QRSL1: variants seen among roughly 807,000 people sequenced by gnomAD.
QRSL1 encodes the protein glutaminyl-tRNA amidotransferase subunit QRSL1, also known as glutamyl-tRNA(Gln) amidotransferase subunit A, mitochondrial.
In QRSL1, 54 loss-of-function variants were observed where a neutral mutation model predicts 61.6. The observed-to-expected ratio is 0.88, with a 90% CI of 0.70 to 1.10. The LOEUF (loss-of-function observed/expected upper bound fraction) is 1.10, where lower values mean the gene tolerates loss of function less well. Among genes scored for constraint, QRSL1 ranks in the 50% least tolerant of loss-of-function variants. QRSL1 has a pLI of 0.00. For synonymous variants in QRSL1, 228 were observed against 225.7 expected, an observed-to-expected ratio of 1.01 and a Z score of -0.09; for missense variants, 505 against 622.6, an observed-to-expected ratio of 0.81 and a Z score of 2.01.
At chr6:106,631,217 C>T (rs574995993) in intron 1 of QRSL1, among the ~76,000 whole-genome samples, 153 of 152,306 alleles carry the variant, frequency 1.0e-3, no homozygotes, top group African/African-American at 3.5e-3. Flanking sequence ...CAGAGCAAGA[C>T]TCCGTCTCAA....
intron 3 of QRSL1, among the ~76,000 whole-genome samples, chr6:106,641,403 T>G (rs1777017712): frequency 6.6e-6 from 1 of 152,234 alleles, no homozygotes; most frequent in Non-Finnish European, 1.5e-5. Flanking sequence ...AATACCCTTC[T>G]GTGGATGACG....
chr6:106,636,082 G>A (rs531132577), intron 1 of QRSL1, among the ~76,000 whole-genome samples: 4 of 152,240 alleles, frequency 2.6e-5, no homozygotes, highest in African/African-American at 7.2e-5. Flanking sequence ...CAAAGGGTGT[G>A]TTCAAAGGAG....
At chr6:106,634,396 A>G (rs902995618) in intron 1 of QRSL1, among the ~76,000 whole-genome samples, 3 of 152,230 alleles carry the variant, frequency 2.0e-5, no homozygotes, top group Non-Finnish European at 4.4e-5. Context: ...ATCTGTGGAC[A>G]TGATCTGAGT....
rs1228437855 is a variant in QRSL1 at position 106,631,174 on chromosome 6, C to A, written c.24+1469C>A. ...CCGGGAGGCGGAGCTTGCAGTGAGCCAAGATCACGCCACTGCACTCCAGCC... is the reference window on the plus strand; with the variant it reads ...CCGGGAGGCGGAGCTTGCAGTGAGCAAAGATCACGCCACTGCACTCCAGCC... On this transcript the variant is annotated intron_variant, in intron 1 of 10. Transcript: ENST00000369046. Among the ~76,000 whole-genome samples, 27 of 152,188 alleles carry A rather than the reference C, an allele frequency of 1.8e-4. No individual in the cohort carries two copies. In the South Asian group the frequency reaches 4.6e-3, roughly 26 times the overall value.
chr6:106,662,396 A>G (rs922101869), intron 9 of QRSL1, among the ~76,000 whole-genome samples: 4 of 152,174 alleles, frequency 2.6e-5, no homozygotes, highest in African/African-American at 9.7e-5. Flanking sequence ...TATATATACA[A>G]ACTTTTAGAG....
At chr6:106,642,701 G>T in intron 3 of QRSL1, 1 of 754,188 alleles carries the variant, frequency 1.3e-6, no homozygotes, top group South Asian at 1.4e-5. Flanking sequence ...CAAGATTCTT[G>T]CCAAGAGAAT....
intron 10 of QRSL1, among the ~76,000 whole-genome samples, chr6:106,665,211 C>G (rs1196287962): frequency 6.6e-6 from 1 of 152,120 alleles, no homozygotes; most frequent in African/African-American, 2.4e-5. Flanking sequence ...CTGCCCAAAC[C>G]TGGAATTAAA....
At position 106,649,109 on chromosome 6, in the gene QRSL1, T is replaced by C. The variant is rs1438649397; in HGVS notation, c.465T>C (p.Asn155=). Residue 155 remains asparagine (N), a synonymous_variant, in exon 5 of 11, where the codon AAT becomes AAC. Coordinates refer to ENST00000369046, the MANE Select transcript of QRSL1 (RefSeq NM_018292.5). The part of the protein sequence containing the change: ...SKQYREKRKQ[N]PHSENEDSDW... Reference sequence around the variant, plus strand: ...AATATAGAGAAAAGAGGAAGCAGAATCCCCACAGCGAGAATGAAGATTCAG... The same window carrying C: ...AATATAGAGAAAAGAGGAAGCAGAACCCCCACAGCGAGAATGAAGATTCAG... The C allele has an allele frequency of 1.9e-6, 3 of 1,614,136 alleles. No individual in the cohort carries two copies. In the South Asian group the frequency reaches 3.3e-5, roughly 18 times the overall value.
chr6:106,650,056 T>A (rs1777169360), intron 5 of QRSL1, among the ~76,000 whole-genome samples: 1 of 152,184 alleles, frequency 6.6e-6, no homozygotes, highest in Non-Finnish European at 1.5e-5. Context: ...CCTAAAATCT[T>A]ATTAACAAGT....
At chr6:106,662,855 G>A (rs1420001072) in intron 9 of QRSL1, 125 bp from the exon 10 acceptor site, 26 of 866,820 alleles carry the variant, frequency 3.0e-5, no homozygotes, top group Admixed American at 4.8e-5. Context: ...ACACAGGCAA[G>A]CCAAACTTTT....
chr6:106,640,926 A>G lies in QRSL1; in HGVS notation c.283+5A>G. ...GTGCATCAAATATGCTGAAAGGTAA[A>G]GTTTAACTGATCAGAGCATTGATAA... On this transcript the variant is annotated splice_donor_5th_base_variant and intron_variant, in intron 3 of 10. Coordinates refer to ENST00000369046, the MANE Select transcript of QRSL1 (RefSeq NM_018292.5). 1.3e-6 allele frequency: 2 copies of G among 1,597,934 alleles called. No individual in the cohort carries two copies. Among genetic ancestry groups the G allele is most frequent in the African/African-American group, 1.3e-5 (1 of 74,760 alleles).
intron 1 of QRSL1, among the ~76,000 whole-genome samples, chr6:106,637,544 C>T (rs759058715): frequency 2.0e-5 from 3 of 151,920 alleles, no homozygotes; most frequent in Non-Finnish European, 2.9e-5. Context: ...TTTGGGTGAG[C>T]GGAATGTTTG....
Position 106,665,887 on chromosome 6 carries a change from C to G in QRSL1, c.1472C>G (p.Ala491Gly), listed in dbSNP as rs1185422198. 1 of 1,613,770 alleles carries G rather than the reference C, an allele frequency of 6.2e-7. No individual in the cohort carries two copies. The highest frequency in any genetic ancestry group is 1.7e-5 in the Admixed American group (1 of 59,988). ...AFCDQQLLTV[A>G]KWFEKQVQFP... ...TGTGACCAGCAGCTTCTTACAGTAG[C>G]CAAATGGTTTGAAAAACAAGTACAG... Residue 491 changes from alanine (A) to glycine (G), a missense_variant, in exon 11 of 11, where the codon GCC becomes GGC. Ala to Gly is a moderately conservative substitution (Grantham distance 60). Transcript: ENST00000369046.
chr6:106,639,132 T>TTTG lies in QRSL1; in HGVS notation c.25-1215_25-1214insGTT, dbSNP rs1562165126. On this transcript the variant is annotated intron_variant, in intron 1 of 10. Transcript: ENST00000369046. The stretch of plus-strand genomic sequence containing the variant: ...GTGTGTTTTGTTGTTTTTTTTTTTT[T>TTTG]TTTTTTTTTTTTTTGACAGAGTCTG... Among the ~76,000 whole-genome samples the TTTG allele has an allele frequency of 5.2e-4, 73 of 139,756 alleles. 2 individuals are homozygous for TTTG. Among genetic ancestry groups the TTTG allele is most frequent in the African/African-American group, 1.2e-3 (44 of 36,544 alleles). 91.7% of individuals were successfully genotyped at this position (139,756 alleles called of 152,430 possible). A position where few individuals can be genotyped will look rare whatever the true frequency, so the allele number is the denominator to read the frequency against.
rs1562164982 is a variant in QRSL1 at position 106,639,111 on chromosome 6, G to GTTTTTTTTTTTTTTT, written c.25-1234_25-1233insTTTTTTTTTTTTTTT. ...ACCTAACTTGTGTGGTTATTTGTGT[G>GTTTTTTTTTTTTTTT]TTTTGTTGTTTTTTTTTTTTTTTTT... On this transcript the variant is annotated intron_variant, in intron 1 of 10. Transcript: ENST00000369046. Among the ~76,000 whole-genome samples, 26 of 60,748 alleles carry GTTTTTTTTTTTTTTT rather than the reference G, an allele frequency of 4.3e-4. 1 individual carries two copies. The highest frequency in any genetic ancestry group is 1.6e-3 in the African/African-American group (24 of 14,936). The allele number at this position is 60,748 out of a possible 152,430, so 39.9% of individuals were successfully genotyped here. A position where few individuals can be genotyped will look rare whatever the true frequency, so the allele number is the denominator to read the frequency against.
chr6:106,665,663 T>C, intron 10 of QRSL1, 119 bp from the exon 11 acceptor site: 2 of 799,520 alleles, frequency 2.5e-6, no homozygotes, highest in Non-Finnish European at 4.3e-6. Flanking sequence ...TAGCATAATA[T>C]TTTTGGTTGT....
At chr6:106,647,106 T>G (rs984676925) in intron 4 of QRSL1, among the ~76,000 whole-genome samples, 1 of 146,894 alleles carries the variant, frequency 6.8e-6, no homozygotes, top group Non-Finnish European at 1.5e-5. Context: ...AATATGCTAC[T>G]AAAAAAGTGA....
chr6:106,640,731 C>A, intron 2 of QRSL1, 92 bp from the exon 3 acceptor site: 1 of 1,202,060 alleles, frequency 8.3e-7, no homozygotes. Flanking sequence ...AGTATCTTTG[C>A]CAAAAACTAG....
At chr6:106,641,564 C>A (rs1429217086) in intron 3 of QRSL1, among the ~76,000 whole-genome samples, 14 of 152,152 alleles carry the variant, frequency 9.2e-5, no homozygotes, top group African/African-American at 3.4e-4. Flanking sequence ...TAGGAAGAAA[C>A]AGAAATAGAA....
Sources: gnomAD v4.1 joint callset for allele counts (sites outside exome capture counted in the v4.1 genomes callset) on GRCh38, gnomAD v4.1.1 for gene constraint, MANE v1.5 for transcripts, NCBI Gene and HGNC (gene_info 2026-07-23, HGNC 2026-07-21) for gene names.